TLE4: variants seen among roughly 807,000 people sequenced by gnomAD.
TLE4 encodes the protein TLE family member 4, transcriptional corepressor.
In TLE4, 8 loss-of-function variants were observed where a neutral mutation model predicts 92.8. The ratio of observed to expected loss-of-function variants is 0.09; its 90% CI spans 0.05 to 0.16. TLE4 has a LOEUF of 0.16. Ranked by LOEUF, TLE4 falls within the 10% of genes least tolerant of loss-of-function variation. The pLI, the probability that TLE4 is intolerant of heterozygous loss-of-function variation, is 1.00. For synonymous variants in TLE4, 371 were observed against 374.1 expected, an observed-to-expected ratio of 0.99 and a Z score of 0.10; for missense variants, 675 against 997.6, an observed-to-expected ratio of 0.68 and a Z score of 4.36.
intron 1 of TLE4, 94 bp downstream of exon 1, chr9:79,572,929 G>T: frequency 1.5e-6 from 2 of 1,337,740 alleles, no homozygotes; most frequent in Non-Finnish European, 2.0e-6. Flanking sequence ...GGCCGGAGGG[G>T]CGTGGAGAGC....
At chr9:79,676,436 A>G (rs1190089805) in intron 8 of TLE4, among the ~76,000 whole-genome samples, 2 of 152,152 alleles carry the variant, frequency 1.3e-5, no homozygotes, top group East Asian at 1.9e-4. Context: ...CAACAATTTG[A>G]TATAACACTG....
At chr9:79,590,842 C>G (rs1303432335) in intron 4 of TLE4, among the ~76,000 whole-genome samples, 1 of 152,176 alleles carries the variant, frequency 6.6e-6, no homozygotes, top group East Asian at 1.9e-4. Context: ...AAATATTTAG[C>G]TTCTCAAATG....
intron 4 of TLE4, among the ~76,000 whole-genome samples, chr9:79,590,456 C>T (rs1188926226): frequency 6.6e-6 from 1 of 152,094 alleles, no homozygotes; most frequent in Non-Finnish European, 1.5e-5. Context: ...TAAGTTTTCT[C>T]CTTATATTTC....
chr9:79,722,861 A>G lies in TLE4; in HGVS notation c.2138-98A>G. ...AGTGAAAGTTATTTTTTACAAATGG[A>G]TGAGTTTTCTGTTAATAGTTTGGTG... On this transcript the variant is annotated intron_variant, in intron 18 of 19. Transcript: ENST00000376552. 2.6e-6 allele frequency: 3 copies of G among 1,150,878 alleles called. No homozygotes were observed. The East Asian group carries it at 7.4e-5, about 29-fold the overall frequency. 71.3% of individuals were successfully genotyped at this position (1,150,878 alleles called of 1,614,324 possible).
intron 4 of TLE4, among the ~76,000 whole-genome samples, chr9:79,578,399 C>A (rs1251726660): frequency 1.3e-5 from 2 of 152,126 alleles, no homozygotes; most frequent in Non-Finnish European, 2.9e-5. Context: ...GGTTAACGTT[C>A]CTGTTCTTCT....
chr9:79,649,393 G>A (rs894990606), intron 6 of TLE4: 1 of 167,936 alleles, frequency 6.0e-6, no homozygotes. Context: ...CACTGTGTAG[G>A]GGGCAGTGGA....
At chr9:79,625,046 G>A (rs1472801536) in intron 5 of TLE4, among the ~76,000 whole-genome samples, 1 of 111,668 alleles carries the variant, frequency 9.0e-6, no homozygotes, top group East Asian at 2.9e-4. Context: ...TTGAGACGGA[G>A]TCTCGCTCTG....
intron 4 of TLE4, among the ~76,000 whole-genome samples, chr9:79,592,411 G>A (rs1180625667): frequency 6.6e-6 from 1 of 151,322 alleles, no homozygotes; most frequent in Non-Finnish European, 1.5e-5. Context: ...GAATAGCTGG[G>A]ACTAAAGGTG....
At chr9:79,662,493 C>T (rs1022084116) in intron 8 of TLE4, among the ~76,000 whole-genome samples, 1 of 151,932 alleles carries the variant, frequency 6.6e-6, no homozygotes, top group Admixed American at 6.6e-5. Flanking sequence ...TTTTTGTGAG[C>T]GACATTTGGC....
At chr9:79,687,416 G>A (rs769726029) in intron 8 of TLE4, among the ~76,000 whole-genome samples, 8 of 152,210 alleles carry the variant, frequency 5.3e-5, no homozygotes, top group Non-Finnish European at 7.3e-5. Flanking sequence ...TATCTCTCAA[G>A]TGGAGACCTC....
chr9:79,626,605 A>G (rs1051666627), intron 5 of TLE4, among the ~76,000 whole-genome samples: 1 of 152,232 alleles, frequency 6.6e-6, no homozygotes, highest in African/African-American at 2.4e-5. Flanking sequence ...GCCCCTATAC[A>G]GAGACTTCCA....
intron 8 of TLE4, chr9:79,693,495 C>A (rs866476894): frequency 9.5e-6 from 3 of 316,742 alleles, no homozygotes; most frequent in Middle Eastern, 8.2e-4. Context: ...GTGGGATCTT[C>A]TGCGTTTCAA....
At chr9:79,655,465 T>G (rs1460611174) in intron 8 of TLE4, among the ~76,000 whole-genome samples, 1 of 152,206 alleles carries the variant, frequency 6.6e-6, no homozygotes, top group Middle Eastern at 3.2e-3. Flanking sequence ...TCAGAGCCCT[T>G]AAGTAATGGA....
At chr9:79,645,163 A>G (rs2057892551) in intron 6 of TLE4, among the ~76,000 whole-genome samples, 2 of 152,196 alleles carry the variant, frequency 1.3e-5, no homozygotes, top group Admixed American at 6.5e-5. Context: ...TTTTGACACA[A>G]TATCCGTTAG....
At chr9:79,622,542 A>G (rs1326771356) in intron 5 of TLE4, among the ~76,000 whole-genome samples, 1 of 152,140 alleles carries the variant, frequency 6.6e-6, no homozygotes, top group African/African-American at 2.4e-5. Context: ...CTGATAAATG[A>G]TTGGGTAGCA....
At chr9:79,689,224 G>C (rs1328372946) in intron 8 of TLE4, among the ~76,000 whole-genome samples, 1 of 152,052 alleles carries the variant, frequency 6.6e-6, no homozygotes, top group Non-Finnish European at 1.5e-5. Context: ...GTAAGTGGAG[G>C]CTTTGCAAAG....
At chr9:79,652,046 A>C (rs1371931387) in intron 6 of TLE4, among the ~76,000 whole-genome samples, 1 of 152,168 alleles carries the variant, frequency 6.6e-6, no homozygotes, top group African/African-American at 2.4e-5. Context: ...CCACTTAAAA[A>C]TTAAATTATT....
At chr9:79,667,733 T>G (rs2061636299) in intron 8 of TLE4, among the ~76,000 whole-genome samples, 2 of 152,106 alleles carry the variant, frequency 1.3e-5, no homozygotes, top group African/African-American at 4.8e-5. Flanking sequence ...GAAGTCAGGA[T>G]TTTCTACACG....
chr9:79,602,035 A>G (rs1374230183), intron 4 of TLE4, among the ~76,000 whole-genome samples: 1 of 152,234 alleles, frequency 6.6e-6, no homozygotes, highest in Non-Finnish European at 1.5e-5. Flanking sequence ...CAGCCATAAT[A>G]TTCCCTTAAG....
Sources: allele counts gnomAD v4.1 joint callset (sites outside exome capture counted in the v4.1 genomes callset), GRCh38; gene constraint gnomAD v4.1.1; transcripts MANE v1.5; gene names NCBI Gene and HGNC (gene_info 2026-07-23, HGNC 2026-07-21).